NTM: variants seen among roughly 807,000 people sequenced by gnomAD.
The protein encoded by NTM is IgLON family member 2.
In NTM, 13 loss-of-function variants were observed where a neutral mutation model predicts 42.1. The ratio of observed to expected loss-of-function variants is 0.31; its 90% CI spans 0.20 to 0.49. The LOEUF (loss-of-function observed/expected upper bound fraction) is 0.49, where lower values mean the gene tolerates loss of function less well. Ranked by LOEUF, NTM falls within the 20% of genes least tolerant of loss-of-function variation. The pLI is 0.99. For missense variants in NTM, 373 were observed against 452.8 expected (o/e 0.82, Z 1.60); for synonymous variants, 187 against 179.2 (o/e 1.04, Z -0.35).
chr11:131,936,050 A>G (rs768463040), intron 2 of NTM, among the ~76,000 whole-genome samples: 20 of 151,618 alleles, frequency 1.3e-4, no homozygotes, highest in Non-Finnish European at 2.5e-4. Flanking sequence ...TAAATATCTC[A>G]TCAACTCCTA....
chr11:132,039,415 AT>A (rs71475786), intron 2 of NTM, among the ~76,000 whole-genome samples: 18,660 of 133,170 alleles, frequency 0.14, 1,377 homozygotes, highest in Admixed American at 0.28. Flanking sequence ...GCCCCTCATA[AT>A]TTTTTTTTTT....
chr11:132,253,404 A>G (rs1001591318), intron 4 of NTM, among the ~76,000 whole-genome samples: 33 of 152,364 alleles, frequency 2.2e-4, no homozygotes, highest in South Asian at 8.3e-4. Flanking sequence ...TAACTCTAAC[A>G]TAATGTTTGT....
In NTM at chr11:132,001,776, GCACA is replaced by G. The variant is rs35551724; in HGVS notation, c.167+90149_167+90152del. 2.0e-3 allele frequency among the ~76,000 whole-genome samples: 289 copies of G among 147,328 alleles called. 2 individuals are homozygous for G. Among genetic ancestry groups the G allele is most frequent in the African/African-American group, 6.7e-3 (265 of 39,626 alleles). Reference sequence around the variant, plus strand: ...ATATCATGCATATACACACAGACAGGCACACACACACACACACACACACATACAC... The same window carrying G: ...ATATCATGCATATACACACAGACAGGCACACACACACACACACACATACAC... On this transcript the variant is annotated intron_variant, in intron 2 of 8. Coordinates refer to ENST00000683400, the MANE Select transcript of NTM (RefSeq NM_001352005.2).
chr11:132,200,630 T>C (rs1325941309), intron 3 of NTM, among the ~76,000 whole-genome samples: 1 of 152,214 alleles, frequency 6.6e-6, no homozygotes, highest in Non-Finnish European at 1.5e-5. Flanking sequence ...GATGACGCCA[T>C]GAAGGCAGCT....
chr11:131,474,988 G>T (rs922505318), intron 1 of NTM, among the ~76,000 whole-genome samples: 1 of 152,150 alleles, frequency 6.6e-6, no homozygotes, highest in Non-Finnish European at 1.5e-5. Context: ...GCTCTTTAAG[G>T]AATAACAATG....
intron 2 of NTM, among the ~76,000 whole-genome samples, chr11:131,966,922 G>T (rs2062910556): frequency 6.6e-6 from 1 of 152,146 alleles, no homozygotes; most frequent in Non-Finnish European, 1.5e-5. Flanking sequence ...GTCAGATTGT[G>T]AATACCTTTA....
At chr11:131,512,592 A>G (rs995826582) in intron 1 of NTM, among the ~76,000 whole-genome samples, 1 of 152,190 alleles carries the variant, frequency 6.6e-6, no homozygotes, top group Non-Finnish European at 1.5e-5. Flanking sequence ...TCTCTCAGCT[A>G]GGCTTCTCCT....
intron 1 of NTM, among the ~76,000 whole-genome samples, chr11:131,501,401 G>C (rs1200473350): frequency 6.6e-6 from 1 of 152,192 alleles, no homozygotes; most frequent in African/African-American, 2.4e-5. Flanking sequence ...AGGGGAGAAT[G>C]TTCCAGCCAG....
chr11:131,408,381 A>G (rs1041685871), intron 1 of NTM, among the ~76,000 whole-genome samples: 9 of 152,230 alleles, frequency 5.9e-5, no homozygotes, highest in Non-Finnish European at 1.0e-4. Flanking sequence ...AGGAAGAAAA[A>G]TGAATTCTGT....
chr11:131,725,480 A>C (rs1410748710), intron 1 of NTM, among the ~76,000 whole-genome samples: 2 of 152,064 alleles, frequency 1.3e-5, no homozygotes, highest in Non-Finnish European at 2.9e-5. Flanking sequence ...AGAAGAAATG[A>C]CTTGAAGGAG....
chr11:131,512,976 G>C (rs941685962), intron 1 of NTM, among the ~76,000 whole-genome samples: 2 of 151,960 alleles, frequency 1.3e-5, no homozygotes, highest in African/African-American at 4.8e-5. Context: ...CTGAGATCTC[G>C]GGACATTTCC....
intron 1 of NTM, among the ~76,000 whole-genome samples, chr11:131,614,710 TTGTC>T (rs2061758380): frequency 1.3e-5 from 2 of 152,354 alleles, no homozygotes; most frequent in African/African-American, 4.8e-5. Flanking sequence ...ACAACTGCCA[TTGTC>T]TGTCTCAGAC....
At chr11:131,690,983 C>T (rs1488807219) in intron 1 of NTM, among the ~76,000 whole-genome samples, 1 of 152,106 alleles carries the variant, frequency 6.6e-6, no homozygotes, top group Non-Finnish European at 1.5e-5. Context: ...GCCCTTGGAG[C>T]GGGTGGGGAG....
At chr11:131,503,283 C>G (rs1287478539) in intron 1 of NTM, among the ~76,000 whole-genome samples, 1 of 152,126 alleles carries the variant, frequency 6.6e-6, no homozygotes. Context: ...GGTAGACCAG[C>G]TTCACTCAGC....
chr11:131,539,980 C>T (rs902772517), intron 1 of NTM, among the ~76,000 whole-genome samples: 1 of 152,124 alleles, frequency 6.6e-6, no homozygotes, highest in African/African-American at 2.4e-5. Context: ...TCCAGGCAGG[C>T]GGGCAGTTGG....
chr11:132,058,560 T>C (rs2080103216), intron 2 of NTM, among the ~76,000 whole-genome samples: 1 of 152,232 alleles, frequency 6.6e-6, no homozygotes, highest in African/African-American at 2.4e-5. Context: ...ACATGGGCAC[T>C]TGCCATGGTT....
chr11:131,498,186 G>T (rs1955548976), intron 1 of NTM, among the ~76,000 whole-genome samples: 1 of 152,180 alleles, frequency 6.6e-6, no homozygotes, highest in Non-Finnish European at 1.5e-5. Context: ...CCAACGGGAG[G>T]TTGGAAGTAA....
In NTM at chr11:132,046,349, A is replaced by G. The variant is rs368731305; in HGVS notation, c.168-99933A>G. 8.3e-3 allele frequency among the ~76,000 whole-genome samples: 493 copies of G among 59,240 alleles called. 3 individuals carry two copies. Among genetic ancestry groups the G allele is most frequent in the African/African-American group, 0.066 (466 of 7,024 alleles). 38.9% of individuals were successfully genotyped at this position (59,240 alleles called of 152,430 possible). ...CAATAGATATTTGTTAAATTGAACTAACTGTTTTAAGTAAAAATAAATAAG... is the reference window on the plus strand; with the variant it reads ...CAATAGATATTTGTTAAATTGAACTGACTGTTTTAAGTAAAAATAAATAAG... On this transcript the variant is annotated intron_variant, in intron 2 of 8. Transcript: ENST00000683400.
chr11:132,076,650 G>C (rs1316002847), intron 2 of NTM, among the ~76,000 whole-genome samples: 2 of 152,100 alleles, frequency 1.3e-5, no homozygotes, highest in Non-Finnish European at 2.9e-5. Context: ...TAATTTGTAG[G>C]GGGTAATATG....
Sources: gnomAD v4.1 joint callset for allele counts (sites outside exome capture counted in the v4.1 genomes callset) on GRCh38, gnomAD v4.1.1 for gene constraint, MANE v1.5 for transcripts, NCBI Gene and HGNC (gene_info 2026-07-23, HGNC 2026-07-21) for gene names.